The following F8 variants were observed in gnomAD, a reference collection of about 807,000 sequenced individuals.
The protein encoded by F8 is antihemophilic factor.
Under a neutral mutation model 140.6 loss-of-function variants are expected in F8, and 12 were observed. The observed-to-expected ratio is 0.09, with a 90% confidence interval of 0.05 to 0.14. F8 has a LOEUF of 0.14. Among genes scored for constraint, F8 ranks in the 10% least tolerant of loss-of-function variants. The pLI, the probability that F8 is intolerant of heterozygous loss-of-function variation, is 1.00. For missense variants in F8, 1,354 were observed against 1,720.7 expected (o/e 0.79, Z 3.77); for synonymous variants, 585 against 614.6 (o/e 0.95, Z 0.71).
intron 13 of F8, among the ~76,000 whole-genome samples, chrX:154,945,787 G>A (rs1338583748): frequency 1.8e-5 from 2 of 111,500 alleles, no homozygotes; most frequent in African/African-American, 3.3e-5. Context: ...AATTGGAAAG[G>A]AAGAAGTCAA....
At chrX:154,981,937 G>A (rs2073524600) in intron 6 of F8, among the ~76,000 whole-genome samples, 1 of 111,907 alleles carries the variant, frequency 8.9e-6, no homozygotes, top group East Asian at 2.8e-4. Context: ...TATAATCCCA[G>A]CACTTTGGGA....
chrX:154,942,448 C>A (rs2073273490), intron 13 of F8, among the ~76,000 whole-genome samples: 1 of 106,036 alleles, frequency 9.4e-6, no homozygotes, highest in South Asian at 4.2e-4. Context: ...ACACATACAC[C>A]CTCCCAAGAC....
intron 22 of F8, among the ~76,000 whole-genome samples, chrX:154,880,825 T>C (rs2072854558): frequency 8.9e-6 from 1 of 111,801 alleles, no homozygotes; most frequent in Admixed American, 9.4e-5. Flanking sequence ...ATATTTCTCG[T>C]TGGTGTTGTC....
At chrX:154,866,975 A>T (rs1241619716) in intron 22 of F8, among the ~76,000 whole-genome samples, 2 of 111,987 alleles carry the variant, frequency 1.8e-5, no homozygotes, top group Non-Finnish European at 3.8e-5. Flanking sequence ...CGAAAAAAAG[A>T]GAGAAGACTC....
At chrX:154,971,370 A>G (rs1557282554) in intron 6 of F8, among the ~76,000 whole-genome samples, 1 of 111,239 alleles carries the variant, frequency 9.0e-6, no homozygotes, top group African/African-American at 3.3e-5. Context: ...TATTTATCCT[A>G]ATGGGCAATT....
intron 6 of F8, among the ~76,000 whole-genome samples, chrX:154,979,203 C>G (rs1194791002): frequency 8.9e-6 from 1 of 111,862 alleles, no homozygotes; most frequent in African/African-American, 3.3e-5. Flanking sequence ...GTGGTCTGTG[C>G]TGGCGTTGGT....
At chrX:154,994,841 T>A (rs1343821081) in intron 3 of F8, among the ~76,000 whole-genome samples, 2 of 112,113 alleles carry the variant, frequency 1.8e-5, no homozygotes, top group Non-Finnish European at 3.8e-5. Flanking sequence ...AAATTCCACA[T>A]CAGGAATTCA....
Position 154,929,897 on chromosome X carries a change from C to T in F8, c.3893G>A (p.Gly1298Asp). 8.3e-7 allele frequency: 1 copy of T among 1,211,381 alleles called. No homozygotes were observed. The highest frequency in any genetic ancestry group is 1.7e-5 in the African/African-American group (1 of 57,797). The part of the protein sequence containing the change: ...SKKGEEENLE[G>D]LGNQTKQIVE... ...AATTTGCTTGGTTTGATTTCCCAAG[C>T]CTTCCAAGTTTTCTTCCTCCCCTTT... The change falls in exon 14 of 26, where the codon GGC becomes GAC. Residue 1298 changes from glycine (G) to aspartate (D), a missense_variant. Physicochemically the swap from Gly to Asp is moderately conservative, Grantham distance 94. Coordinates refer to ENST00000360256, the MANE Select transcript of F8 (RefSeq NM_000132.4).
intron 6 of F8, among the ~76,000 whole-genome samples, chrX:154,984,173 T>C (rs2073544609): frequency 9.1e-6 from 1 of 110,379 alleles, no homozygotes; most frequent in Non-Finnish European, 1.9e-5. Context: ...TAGATATTGG[T>C]GCTGTATGTT....
At chrX:154,986,724 G>C (rs939500628) in intron 5 of F8, among the ~76,000 whole-genome samples, 1 of 111,474 alleles carries the variant, frequency 9.0e-6, no homozygotes, top group Non-Finnish European at 1.9e-5. Context: ...GGGGCAAGAA[G>C]AATATTATGT....
At chrX:154,893,279 T>C (rs2072958010) in intron 22 of F8, among the ~76,000 whole-genome samples, 1 of 112,430 alleles carries the variant, frequency 8.9e-6, no homozygotes, top group Admixed American at 9.4e-5. Flanking sequence ...CTTGAGCACA[T>C]GTTCTCAGGA....
At chrX:154,978,339 A>G (rs782820737) in intron 6 of F8, among the ~76,000 whole-genome samples, 1 of 111,057 alleles carries the variant, frequency 9.0e-6, no homozygotes, top group Non-Finnish European at 1.9e-5. Flanking sequence ...TGATTTTTTT[A>G]TTTTGTGGAT....
At chrX:154,980,195 T>C (rs1557283400) in intron 6 of F8, among the ~76,000 whole-genome samples, 1 of 111,714 alleles carries the variant, frequency 9.0e-6, no homozygotes, top group African/African-American at 3.3e-5. Context: ...TAGATGCATC[T>C]AGTCAACCAT....
chrX:154,876,673 T>A (rs2072819025), intron 22 of F8, among the ~76,000 whole-genome samples: 1 of 111,557 alleles, frequency 9.0e-6, no homozygotes, highest in South Asian at 3.8e-4. Context: ...AATTTGACCT[T>A]CTATTTATGG....
chrX:154,946,464 C>T (rs2073305188), intron 13 of F8, among the ~76,000 whole-genome samples: 2 of 112,287 alleles, frequency 1.8e-5, no homozygotes, highest in African/African-American at 3.2e-5. Flanking sequence ...GCCAAGAACA[C>T]GCACTGGTGA....
chrX:154,949,679 T>G (rs1273978522), intron 12 of F8, among the ~76,000 whole-genome samples: 1 of 111,293 alleles, frequency 9.0e-6, no homozygotes, highest in Non-Finnish European at 1.9e-5. Context: ...ATCAAGGTAT[T>G]GGCAGGTTTG....
chrX:154,946,396 C>T (rs2073304698), intron 13 of F8, among the ~76,000 whole-genome samples: 1 of 111,774 alleles, frequency 8.9e-6, no homozygotes, highest in South Asian at 3.7e-4. Context: ...CAGTGGAACA[C>T]GACAGAAAAC....
At chrX:154,979,639 G>A (rs782269902) in intron 6 of F8, among the ~76,000 whole-genome samples, 1 of 111,851 alleles carries the variant, frequency 8.9e-6, no homozygotes, top group Admixed American at 9.4e-5. Context: ...TGGCCCCACA[G>A]CAGCCTGCAG....
intron 22 of F8, among the ~76,000 whole-genome samples, chrX:154,874,095 T>C (rs911307457): frequency 2.7e-5 from 3 of 112,346 alleles, no homozygotes; most frequent in African/African-American, 9.7e-5. Flanking sequence ...GTATATCTGA[T>C]AATGGGTAAG....
Sources: gnomAD v4.1 joint callset for allele counts (sites outside exome capture counted in the v4.1 genomes callset) on GRCh38, gnomAD v4.1.1 for gene constraint, MANE v1.5 for transcripts, NCBI Gene and HGNC (gene_info 2026-07-23, HGNC 2026-07-21) for gene names.